Variants in RSPO2 observed in about 807,000 individuals in gnomAD.
RSPO2 encodes R-spondin-2.
In RSPO2, 14 loss-of-function variants were observed where a neutral mutation model predicts 30.9. The observed-to-expected ratio is 0.45, with a 90% CI of 0.30 to 0.71. The LOEUF is 0.71. RSPO2 is among the 30% of genes least tolerant of loss of function. The pLI, the probability that RSPO2 is intolerant of heterozygous loss-of-function variation, is 0.08. For synonymous variants in RSPO2, 107 were observed against 96.4 expected, an observed-to-expected ratio of 1.11 and a Z score of -0.64; for missense variants, 264 against 301.9, an observed-to-expected ratio of 0.87 and a Z score of 0.93.
chr8:108,041,391 T>C (rs1307678827), intron 2 of RSPO2, among the ~76,000 whole-genome samples: 5 of 151,928 alleles, frequency 3.3e-5, no homozygotes, highest in Non-Finnish European at 5.9e-5. Flanking sequence ...AAGCAGATGG[T>C]GCTGGGGAAT....
chr8:107,932,509 C>T lies in RSPO2; in HGVS notation c.616+25571G>A, dbSNP rs190321203. On this transcript the variant is annotated intron_variant, in intron 5 of 5. Transcript: ENST00000276659. ...TGAAGATTAGGCGCTGGAGTAATAA[C>T]GACATGCAGAAAGAGCTGGTAGAGA... is the stretch of plus-strand genomic sequence containing the variant. Among the ~76,000 whole-genome samples, 215 of 151,808 alleles carry T rather than the reference C, an allele frequency of 1.4e-3. 1 individual carries two copies. The highest frequency in any genetic ancestry group is 5.0e-3 in the African/African-American group (205 of 41,400).
intron 5 of RSPO2, among the ~76,000 whole-genome samples, chr8:107,955,872 C>T (rs1213659386): frequency 6.6e-6 from 1 of 152,148 alleles, no homozygotes; most frequent in Non-Finnish European, 1.5e-5. Flanking sequence ...ACATATGTTG[C>T]AAAGATCTTA....
chr8:108,060,142 G>A (rs1812404623), intron 2 of RSPO2, among the ~76,000 whole-genome samples: 1 of 151,814 alleles, frequency 6.6e-6, no homozygotes, highest in Non-Finnish European at 1.5e-5. Flanking sequence ...TTCCAACTGA[G>A]GAACACAGCT....
intron 2 of RSPO2, among the ~76,000 whole-genome samples, chr8:108,081,023 A>T (rs991592777): frequency 6.6e-6 from 1 of 152,220 alleles, no homozygotes; most frequent in Non-Finnish European, 1.5e-5. Context: ...TCAAACTCTC[A>T]TGGCCTTTGG....
At chr8:107,902,821 A>G (rs1811521514) in intron 5 of RSPO2, among the ~76,000 whole-genome samples, 1 of 152,140 alleles carries the variant, frequency 6.6e-6, no homozygotes, top group Non-Finnish European at 1.5e-5. Context: ...ACATTGCATT[A>G]AAACAATGAG....
intron 5 of RSPO2, among the ~76,000 whole-genome samples, chr8:107,955,715 CTA>C (rs1813409287): frequency 6.6e-6 from 1 of 152,100 alleles, no homozygotes; most frequent in Non-Finnish European, 1.5e-5. Context: ...ATAGTGATGA[CTA>C]TAGCATTACA....
At chr8:107,969,859 T>C (rs1291918210) in intron 3 of RSPO2, among the ~76,000 whole-genome samples, 1 of 152,182 alleles carries the variant, frequency 6.6e-6, no homozygotes, top group African/African-American at 2.4e-5. Flanking sequence ...CCTTTTTTGG[T>C]AACTTGTCAC....
intron 2 of RSPO2, among the ~76,000 whole-genome samples, chr8:108,048,772 T>G (rs1404261953): frequency 1.3e-5 from 2 of 152,176 alleles, no homozygotes; most frequent in Non-Finnish European, 2.9e-5. Flanking sequence ...GGGTGTCAAT[T>G]TTAGATCTTT....
chr8:107,956,128 T>C (rs148686237), intron 5 of RSPO2, among the ~76,000 whole-genome samples: 144 of 152,372 alleles, frequency 9.5e-4, no homozygotes, highest in African/African-American at 3.3e-3. Flanking sequence ...GCTAATTTTG[T>C]AGTTTTCATT....
chr8:107,991,178 C>T (rs1814832214), intron 2 of RSPO2, among the ~76,000 whole-genome samples: 1 of 151,608 alleles, frequency 6.6e-6, no homozygotes, highest in Admixed American at 6.6e-5. Context: ...ACCTGGAAGG[C>T]AGAGGTTGTG....
intron 5 of RSPO2, among the ~76,000 whole-genome samples, chr8:107,920,630 G>T (rs938087729): frequency 5.9e-5 from 9 of 152,098 alleles, no homozygotes; most frequent in Admixed American, 1.3e-4. Context: ...TTGATTGATT[G>T]AAATACTGTG....
chr8:107,987,022 T>C (rs1300246853), intron 3 of RSPO2, among the ~76,000 whole-genome samples: 1 of 152,172 alleles, frequency 6.6e-6, no homozygotes, highest in Non-Finnish European at 1.5e-5. Context: ...TAAATATTAA[T>C]CCAAACAATT....
At chr8:107,952,376 T>C (rs1368728227) in intron 5 of RSPO2, among the ~76,000 whole-genome samples, 2 of 152,078 alleles carry the variant, frequency 1.3e-5, no homozygotes, top group Non-Finnish European at 2.9e-5. Context: ...CTTGCTTAAT[T>C]TAAAATGACT....
At chr8:107,978,294 G>A (rs1297423367) in intron 3 of RSPO2, among the ~76,000 whole-genome samples, 1 of 152,114 alleles carries the variant, frequency 6.6e-6, no homozygotes, top group African/African-American at 2.4e-5. Flanking sequence ...GGGCATGGTG[G>A]TTGGCATCTG....
At chr8:107,985,332 T>A (rs1373109477) in intron 3 of RSPO2, among the ~76,000 whole-genome samples, 1 of 152,164 alleles carries the variant, frequency 6.6e-6, no homozygotes, top group Non-Finnish European at 1.5e-5. Context: ...AATATGTGTA[T>A]GAGAGAGCAA....
intron 2 of RSPO2, among the ~76,000 whole-genome samples, chr8:108,078,159 G>T (rs769603933): frequency 3.3e-5 from 5 of 152,118 alleles, no homozygotes; most frequent in Non-Finnish European, 7.4e-5. Flanking sequence ...AGCAAATAAA[G>T]AAAGCCCAGG....
intron 2 of RSPO2, among the ~76,000 whole-genome samples, chr8:108,052,568 G>A (rs993347555): frequency 3.9e-5 from 6 of 152,090 alleles, no homozygotes; most frequent in African/African-American, 1.4e-4. Context: ...AACCTGTTAT[G>A]GGAAGCAAAT....
intron 3 of RSPO2, among the ~76,000 whole-genome samples, chr8:107,977,248 T>C (rs1274494758): frequency 5.3e-5 from 8 of 152,236 alleles, no homozygotes; most frequent in African/African-American, 9.6e-5. Context: ...ATTCCATAAC[T>C]AGTGACATAA....
At chr8:108,056,630 A>G (rs1362130615) in intron 2 of RSPO2, among the ~76,000 whole-genome samples, 4 of 107,052 alleles carry the variant, frequency 3.7e-5, no homozygotes, top group Non-Finnish European at 9.3e-5. Context: ...TCTCAAAAAA[A>G]AAAAAAAAAA....
Sources: allele counts gnomAD v4.1 joint callset (sites outside exome capture counted in the v4.1 genomes callset), GRCh38; gene constraint gnomAD v4.1.1; transcripts MANE v1.5; gene names NCBI Gene and HGNC (gene_info 2026-07-23, HGNC 2026-07-21).